SEL1L2: variants seen among roughly 807,000 people sequenced by gnomAD.
The protein encoded by SEL1L2 is protein sel-1 homolog 2.
In SEL1L2, 89 loss-of-function variants were observed where a neutral mutation model predicts 98.8. The ratio of observed to expected loss-of-function variants is 0.90; its 90% CI spans 0.76 to 1.07. SEL1L2 has a LOEUF of 1.07. Ranked by LOEUF, SEL1L2 falls within the 50% of genes least tolerant of loss-of-function variation. SEL1L2 has a pLI of 0.00. For missense variants in SEL1L2, 788 were observed against 812.0 expected (o/e 0.97, Z 0.36); for synonymous variants, 262 against 278.5 (o/e 0.94, Z 0.59).
At chr20:13,898,432 C>G (rs141290478) in intron 5 of SEL1L2, among the ~76,000 whole-genome samples, 1 of 152,138 alleles carries the variant, frequency 6.6e-6, no homozygotes, top group South Asian at 2.1e-4. Flanking sequence ...AGTGAGTCTC[C>G]GGCTCTCTTT....
intron 5 of SEL1L2, 134 bp downstream of exon 5, chr20:13,913,648 G>A: frequency 1.4e-6 from 1 of 735,826 alleles, no homozygotes; most frequent in Non-Finnish European, 2.0e-6. Context: ...CACTGTTTCA[G>A]TGCATTATGG....
chr20:13,963,102 T>TA (rs11476224), intron 1 of SEL1L2, among the ~76,000 whole-genome samples: 3 of 148,332 alleles, frequency 2.0e-5, no homozygotes, highest in Admixed American at 6.7e-5. Context: ...GAAGAAAATA[T>TA]AAAAAAAAAC....
chr20:13,982,344 C>G (rs1002306966), intron 1 of SEL1L2, among the ~76,000 whole-genome samples: 3 of 151,684 alleles, frequency 2.0e-5, no homozygotes, highest in Non-Finnish European at 4.4e-5. Context: ...GATCCTCTCT[C>G]TCCAAAAAAT....
At chr20:13,895,980 C>T (rs1185109254) in intron 5 of SEL1L2, among the ~76,000 whole-genome samples, 1 of 151,476 alleles carries the variant, frequency 6.6e-6, no homozygotes, top group African/African-American at 2.4e-5. Context: ...TGAGACCAGC[C>T]TGGCCAACAT....
At chr20:13,978,807 A>G (rs1000247341) in intron 1 of SEL1L2, among the ~76,000 whole-genome samples, 1 of 152,258 alleles carries the variant, frequency 6.6e-6, no homozygotes, top group Non-Finnish European at 1.5e-5. Flanking sequence ...CTGTAATCCC[A>G]ACACTTTGGG....
chr20:13,860,201 A>G (rs1164882475), intron 17 of SEL1L2, among the ~76,000 whole-genome samples: 1 of 152,116 alleles, frequency 6.6e-6, no homozygotes, highest in East Asian at 1.9e-4. Context: ...ATCTTCTATG[A>G]ACAAAAATAA....
intron 5 of SEL1L2, among the ~76,000 whole-genome samples, chr20:13,899,613 G>A (rs1273617683): frequency 6.6e-6 from 1 of 151,940 alleles, no homozygotes; most frequent in Non-Finnish European, 1.5e-5. Flanking sequence ...TTTTTTATAA[G>A]GGCACCTAGT....
At chr20:13,864,960 A>T (rs1158075230) in intron 17 of SEL1L2, among the ~76,000 whole-genome samples, 1 of 152,216 alleles carries the variant, frequency 6.6e-6, no homozygotes, top group Non-Finnish European at 1.5e-5. Context: ...TTGCTGAATC[A>T]GGGACCTTGA....
At chr20:13,944,105 C>T (rs557861250) in intron 2 of SEL1L2, among the ~76,000 whole-genome samples, 1 of 152,274 alleles carries the variant, frequency 6.6e-6, no homozygotes, top group East Asian at 1.9e-4. Flanking sequence ...AGGAATTTGT[C>T]TGTCTTCTAT....
intron 1 of SEL1L2, among the ~76,000 whole-genome samples, chr20:13,975,214 A>G (rs2051479810): frequency 6.6e-6 from 1 of 152,228 alleles, no homozygotes; most frequent in African/African-American, 2.4e-5. Flanking sequence ...ATTAGAGTTT[A>G]TATAATAATC....
chr20:13,860,441 G>T (rs1980548), intron 17 of SEL1L2, among the ~76,000 whole-genome samples: 17,293 of 152,072 alleles, frequency 0.11, 1,074 homozygotes, highest in African/African-American at 0.16. Flanking sequence ...CACATCTCTG[G>T]CCTCATCTTA....
At chr20:13,865,316 TG>T (rs1341579730) in intron 16 of SEL1L2, 32 bp downstream of exon 16, 3 of 1,611,714 alleles carry the variant, frequency 1.9e-6, no homozygotes, top group Non-Finnish European at 2.5e-6. Flanking sequence ...TATGTATGAT[TG>T]GGGGATTGCA....
At chr20:13,860,626 T>C (rs1488240040) in intron 17 of SEL1L2, among the ~76,000 whole-genome samples, 1 of 152,052 alleles carries the variant, frequency 6.6e-6, no homozygotes, top group East Asian at 1.9e-4. Context: ...AACGGCTCGC[T>C]CCCAACTCCT....
intron 1 of SEL1L2, among the ~76,000 whole-genome samples, chr20:13,977,664 G>A (rs1316708533): frequency 1.3e-5 from 2 of 152,132 alleles, no homozygotes; most frequent in African/African-American, 4.8e-5. Flanking sequence ...CTGAGATAAA[G>A]CTGATGCATG....
upstream of SEL1L2, among the ~76,000 whole-genome samples, chr20:13,992,644 A>C (rs2052567261): frequency 6.6e-6 from 1 of 152,220 alleles, no homozygotes; most frequent in Non-Finnish European, 1.5e-5. Flanking sequence ...CTCCATTCTT[A>C]ATAATTTAAT....
At chr20:13,978,886 C>T (rs2051675504) in intron 1 of SEL1L2, among the ~76,000 whole-genome samples, 2 of 152,014 alleles carry the variant, frequency 1.3e-5, no homozygotes, top group Admixed American at 6.6e-5. Flanking sequence ...TGGCAAAACC[C>T]CGCCTCTACT....
At chr20:13,990,678 A>G, upstream of SEL1L2, 1 of 616,738 alleles carries the variant, frequency 1.6e-6, no homozygotes, top group Non-Finnish European at 2.8e-6. Flanking sequence ...ATGGGCTGCC[A>G]GAGTGTTCCT....
At chr20:13,973,474 T>A (rs1173979641) in intron 1 of SEL1L2, 1 of 152,244 alleles carries the variant, frequency 6.6e-6, no homozygotes, top group East Asian at 1.9e-4. Context: ...GTGAATGCTA[T>A]AACGAATTAT....
chr20:13,992,147 TA>T (rs2052556864), upstream of SEL1L2, among the ~76,000 whole-genome samples: 4 of 152,082 alleles, frequency 2.6e-5, no homozygotes, highest in Non-Finnish European at 5.9e-5. Context: ...CAAGCTGAAA[TA>T]TGAAGAACGA....
Sources: gnomAD v4.1 joint callset for allele counts (sites outside exome capture counted in the v4.1 genomes callset) on GRCh38, gnomAD v4.1.1 for gene constraint, MANE v1.5 for transcripts, NCBI Gene and HGNC (gene_info 2026-07-23, HGNC 2026-07-21) for gene names.